SAMD5: variants seen among roughly 807,000 people sequenced by gnomAD.
SAMD5 encodes the protein sterile alpha motif domain-containing protein 5.
In SAMD5, 13 loss-of-function variants were observed where a neutral mutation model predicts 11.3. The ratio of observed to expected loss-of-function variants is 1.15; its 90% CI spans 0.75 to 1.83. The LOEUF is 1.83. SAMD5 is among the 40% of genes most tolerant of loss of function. The pLI is 0.00. For missense variants in SAMD5, 255 were observed against 239.1 expected, an observed-to-expected ratio of 1.07 and a Z score of -0.44; for synonymous variants, 129 against 111.3, an observed-to-expected ratio of 1.16 and a Z score of -1.00.
the SAMD5 span, among the ~76,000 whole-genome samples, chr6:147,826,066 C>T: frequency 6.6e-6 from 1 of 152,138 alleles, no homozygotes; most frequent in African/African-American, 2.4e-5. Context: ...ACTACACCTG[C>T]CTTATGGTAG....
At chr6:147,838,835 G>A in the SAMD5 span, among the ~76,000 whole-genome samples, 3 of 152,194 alleles carry the variant, frequency 2.0e-5, no homozygotes, top group South Asian at 2.1e-4. Context: ...ACATATCATC[G>A]GTAAGGGCCG....
the SAMD5 span, among the ~76,000 whole-genome samples, chr6:147,796,449 A>G: frequency 6.6e-6 from 1 of 152,142 alleles, no homozygotes; most frequent in African/African-American, 2.4e-5. Flanking sequence ...TACCAGTACC[A>G]TGCTGTTTTG....
the SAMD5 span, among the ~76,000 whole-genome samples, chr6:147,760,034 A>G: frequency 6.6e-6 from 1 of 152,218 alleles, no homozygotes. Context: ...ATCTTTCTGC[A>G]TGGCTCAATT....
intron 1 of SAMD5, among the ~76,000 whole-genome samples, chr6:147,668,848 A>C (rs1190553470): frequency 6.6e-6 from 1 of 152,218 alleles, no homozygotes; most frequent in Non-Finnish European, 1.5e-5. Flanking sequence ...AACAAAAAAC[A>C]AAGTTATATC....
chr6:147,538,082 C>T (rs916264316), intron 1 of SAMD5, among the ~76,000 whole-genome samples: 1 of 151,938 alleles, frequency 6.6e-6, no homozygotes, highest in Non-Finnish European at 1.5e-5. Flanking sequence ...TTTTAGAACC[C>T]TTTACAATTT....
chr6:147,532,080 A>G (rs1395671130), intron 1 of SAMD5, among the ~76,000 whole-genome samples: 1 of 152,166 alleles, frequency 6.6e-6, no homozygotes, highest in African/African-American at 2.4e-5. Flanking sequence ...TCATTGCTCT[A>G]TTACTATCCC....
At chr6:147,609,819 G>A (rs1789756100) in intron 1 of SAMD5, among the ~76,000 whole-genome samples, 1 of 152,000 alleles carries the variant, frequency 6.6e-6, no homozygotes. Context: ...GCCTCCCAAA[G>A]TGCTGGGATT....
intron 1 of SAMD5, among the ~76,000 whole-genome samples, chr6:147,590,344 T>C (rs1789434651): frequency 6.6e-6 from 1 of 152,140 alleles, no homozygotes. Flanking sequence ...TGGGTCTGTG[T>C]TTTTCTCATT....
the SAMD5 span, among the ~76,000 whole-genome samples, chr6:147,913,244 G>A: frequency 1.3e-5 from 2 of 152,162 alleles, no homozygotes; most frequent in Non-Finnish European, 2.9e-5. Flanking sequence ...CAGGTAATTT[G>A]GGAACATCAT....
intron 1 of SAMD5, among the ~76,000 whole-genome samples, chr6:147,510,280 A>G (rs899081908): frequency 3.2e-4 from 48 of 152,086 alleles, no homozygotes; most frequent in African/African-American, 1.1e-3. Flanking sequence ...AGAAAATGGT[A>G]CTTCACACCA....
At chr6:147,792,814 A>C in the SAMD5 span, among the ~76,000 whole-genome samples, 70 of 152,342 alleles carry the variant, frequency 4.6e-4, no homozygotes, top group African/African-American at 1.6e-3. Context: ...GGGCCAACTG[A>C]AAGTGCTCCC....
intron 1 of SAMD5, among the ~76,000 whole-genome samples, chr6:147,715,618 T>A (rs1453038857): frequency 6.6e-6 from 1 of 152,224 alleles, no homozygotes; most frequent in Non-Finnish European, 1.5e-5. Flanking sequence ...TCAGCCCTAC[T>A]TGTGTTACAG....
chr6:147,708,953 C>T (rs1791360801), intron 1 of SAMD5, among the ~76,000 whole-genome samples: 1 of 152,074 alleles, frequency 6.6e-6, no homozygotes, highest in Non-Finnish European at 1.5e-5. Context: ...TAGTGCAAGC[C>T]CAAATAATTT....
chr6:147,667,080 C>T (rs572299992), intron 1 of SAMD5, among the ~76,000 whole-genome samples: 1 of 152,286 alleles, frequency 6.6e-6, no homozygotes, highest in East Asian at 1.9e-4. Context: ...CCATGAGCTG[C>T]ACCATCATTA....
intron 1 of SAMD5, among the ~76,000 whole-genome samples, chr6:147,625,427 G>A (rs1022536059): frequency 2.0e-5 from 3 of 152,168 alleles, no homozygotes; most frequent in Non-Finnish European, 4.4e-5. Flanking sequence ...ATATTATTAG[G>A]TGAGCTTCTG....
intron 1 of SAMD5, among the ~76,000 whole-genome samples, chr6:147,513,662 G>C (rs1339708853): frequency 6.6e-6 from 1 of 152,152 alleles, no homozygotes; most frequent in East Asian, 1.9e-4. Context: ...CTGTAAGTAT[G>C]TTTTATTTTC....
intron 1 of SAMD5, among the ~76,000 whole-genome samples, chr6:147,664,335 CATT>C (rs1790687019): frequency 6.6e-6 from 1 of 152,244 alleles, no homozygotes; most frequent in South Asian, 2.1e-4. Context: ...TGACAGTAAT[CATT>C]ATAACTCCAG....
the SAMD5 span, among the ~76,000 whole-genome samples, chr6:147,896,755 A>ACAAAAAAACAAACAAAC: frequency 9.8e-5 from 14 of 142,424 alleles, no homozygotes; most frequent in Admixed American, 5.0e-4. Flanking sequence ...AAAAAAAAAA[A>ACAAAAAAACAAACAAAC]AAAAAAAACG....
At chr6:147,623,962 C>CA (rs1319485893) in intron 1 of SAMD5, among the ~76,000 whole-genome samples, 1 of 152,070 alleles carries the variant, frequency 6.6e-6, no homozygotes. Context: ...CTCTGCCTCC[C>CA]AGGTTCAAGC....
Sources: allele counts gnomAD v4.1 joint callset (sites outside exome capture counted in the v4.1 genomes callset), GRCh38; gene constraint gnomAD v4.1.1; transcripts MANE v1.5; gene names NCBI Gene and HGNC (gene_info 2026-07-23, HGNC 2026-07-21).